Variants in TSC22D1 observed in about 807,000 individuals in gnomAD.
TSC22D1 encodes the protein TSC22 domain family member 1.
In TSC22D1, 9 loss-of-function variants were observed where a neutral mutation model predicts 74.2. The ratio of observed to expected loss-of-function variants is 0.12; its 90% CI spans 0.07 to 0.21. The LOEUF is 0.21. Among genes scored for constraint, TSC22D1 ranks in the 10% least tolerant of loss-of-function variants. TSC22D1 has a pLI of 1.00. For missense variants in TSC22D1, 1,427 were observed against 1,304.7 expected, an observed-to-expected ratio of 1.09 and a Z score of -1.44; for synonymous variants, 586 against 492.5, an observed-to-expected ratio of 1.19 and a Z score of -2.51.
chr13:44,438,035 T>A (rs1472033336), intron 1 of TSC22D1, among the ~76,000 whole-genome samples: 4 of 152,216 alleles, frequency 2.6e-5, no homozygotes, highest in African/African-American at 9.7e-5. Flanking sequence ...TAATTTAAAA[T>A]ACTTGCAGGG....
chr13:44,546,728 A>ACAAACATTAAGGAAAGC (rs1175282195), intron 1 of TSC22D1, among the ~76,000 whole-genome samples: 73 of 136,788 alleles, frequency 5.3e-4, no homozygotes, highest in African/African-American at 1.8e-3. Context: ...TGACAGGTAT[A>ACAAACATTAAGGAAAGC]TGGGAATTCT....
At chr13:44,472,660 C>T (rs1482329553) in intron 1 of TSC22D1, among the ~76,000 whole-genome samples, 4 of 152,086 alleles carry the variant, frequency 2.6e-5, no homozygotes, top group South Asian at 2.1e-4. Context: ...TACAATTAAC[C>T]GGTTGTGGTG....
intron 1 of TSC22D1, among the ~76,000 whole-genome samples, chr13:44,547,572 TCTC>T (rs200376270): frequency 0.016 from 2,446 of 152,242 alleles, 59 homozygotes; most frequent in African/African-American, 0.055. Context: ...CTGAAGACCT[TCTC>T]CTCATTTGTT....
intron 1 of TSC22D1, among the ~76,000 whole-genome samples, chr13:44,530,115 C>T (rs541892320): frequency 1.3e-5 from 2 of 151,996 alleles, no homozygotes; most frequent in African/African-American, 2.4e-5. Flanking sequence ...CAACACGATA[C>T]CGAAGAACCA....
chr13:44,497,560 AAACAAG>A (rs1377445765), intron 1 of TSC22D1, among the ~76,000 whole-genome samples: 2 of 152,138 alleles, frequency 1.3e-5, no homozygotes, highest in African/African-American at 4.8e-5. Flanking sequence ...TTTAAAAAGG[AAACAAG>A]AACAACAACA....
intron 1 of TSC22D1, among the ~76,000 whole-genome samples, chr13:44,520,689 G>C (rs1880272852): frequency 6.6e-6 from 1 of 152,148 alleles, no homozygotes; most frequent in Non-Finnish European, 1.5e-5. Context: ...AGGTGAAGCT[G>C]AAGGAAGGGG....
intron 1 of TSC22D1, among the ~76,000 whole-genome samples, chr13:44,548,505 T>C (rs1881980186): frequency 6.6e-6 from 1 of 152,220 alleles, no homozygotes; most frequent in South Asian, 2.1e-4. Flanking sequence ...TAAACATACA[T>C]CAATTGACAG....
chr13:44,545,317 A>G (rs1881749290), intron 1 of TSC22D1, among the ~76,000 whole-genome samples: 1 of 152,176 alleles, frequency 6.6e-6, no homozygotes, highest in Admixed American at 6.5e-5. Context: ...CCTGGGCAAC[A>G]AGCGAGATTC....
chr13:44,538,620 T>C lies in TSC22D1; in HGVS notation c.2912+34543A>G, dbSNP rs547725012. On this transcript the variant is annotated intron_variant, in intron 1 of 2. Coordinates refer to ENST00000458659, the MANE Select transcript of TSC22D1 (RefSeq NM_183422.4). ...AGAAAGAAATATTTTCATGGCCATG[T>C]AAAATTCCAATCTGAAAAGATTATT... The C allele has an allele frequency of 4.9e-5, 48 of 985,392 alleles. No individual in the cohort carries two copies. The South Asian group carries it at 1.9e-3, about 40-fold the overall frequency. The allele number at this position is 985,392 out of a possible 1,614,324, so 61.0% of individuals were successfully genotyped here. A position where few individuals can be genotyped will look rare whatever the true frequency, so the allele number is the denominator to read the frequency against.
At position 44,575,348 on chromosome 13, in the gene TSC22D1, C is replaced by T. The variant is rs148953087; in HGVS notation, c.727G>A (p.Ala243Thr). 28 of 1,614,148 alleles carry T rather than the reference C, an allele frequency of 1.7e-5. No individual in the cohort carries two copies. The African/African-American group carries it at 3.3e-4, about 19-fold the overall frequency. ...CCAGTAATGGATGCACTGGCCACAG[C>T]AACATGAGATGGATGGTGGTGACCA... ...QHGHHHPSHV[A>T]VASASITGGP... The change falls in exon 1 of 3, where the codon GCT becomes ACT. Residue 243 changes from alanine to threonine, a missense_variant. By Grantham distance (58) the Ala-to-Thr change is moderately conservative. Around this residue, in one of 3 missense-constraint regions of TSC22D1, gnomAD observed 1,343 missense variants for 1,191.5 expected, o/e 1.13. Coordinates refer to ENST00000458659, the MANE Select transcript of TSC22D1 (RefSeq NM_183422.4).
In TSC22D1 at chr13:44,573,184, A is replaced by G. The variant is rs1166820411; in HGVS notation, c.2891T>C (p.Leu964Pro). Residue 964 changes from leucine (L) to proline (P), a missense_variant, in exon 1 of 3, where the codon CTG (leucine) becomes CCG (proline). Leu to Pro is a moderately conservative substitution (Grantham distance 98, BLOSUM62 -3). Coordinates refer to ENST00000458659, the MANE Select transcript of TSC22D1 (RefSeq NM_183422.4). ...PLKVLPLTTP[L>P]VDGEDESSSG... The stretch of plus-strand genomic sequence containing the variant: ...TTACCTCTCATCCTCGCCATCCACC[A>G]GGGGTGTCGTCAGCGGTAGCACCTT... 17 of 1,614,032 alleles carry G rather than the reference A, an allele frequency of 1.1e-5. No individual in the cohort carries two copies. The highest frequency in any genetic ancestry group is 1.4e-5 in the Non-Finnish European group (17 of 1,180,000).
At chr13:44,466,608 A>C (rs967756828) in intron 1 of TSC22D1, among the ~76,000 whole-genome samples, 2 of 151,758 alleles carry the variant, frequency 1.3e-5, no homozygotes, top group African/African-American at 4.8e-5. Flanking sequence ...GTCTCTACTA[A>C]AAATACAAAA....
rs976281850 is a variant in TSC22D1 at position 44,544,092 on chromosome 13, CAAAAAAT to C, written c.2912+29064_2912+29070del. ...TGGGTGACACAGCAAGACTCCGTCT[CAAAAAAT>C]AAAAAATAAAAAATAAACTTTCATG... On this transcript the variant is annotated intron_variant, in intron 1 of 2. Coordinates refer to ENST00000458659, the MANE Select transcript of TSC22D1 (RefSeq NM_183422.4). 3.0e-4 allele frequency among the ~76,000 whole-genome samples: 45 copies of C among 151,904 alleles called. 1 individual carries two copies. The highest frequency in any genetic ancestry group is 9.4e-4 in the African/African-American group (39 of 41,428).
chr13:44,462,934 A>G (rs1353808843), intron 1 of TSC22D1, among the ~76,000 whole-genome samples: 3 of 152,210 alleles, frequency 2.0e-5, no homozygotes, highest in Admixed American at 6.5e-5. Context: ...CAGCTAACAT[A>G]TAATTACAAA....
chr13:44,449,597 G>C lies in TSC22D1; in HGVS notation c.2913-13502C>G, dbSNP rs561727016. On this transcript the variant is annotated intron_variant, in intron 1 of 2. Transcript: ENST00000458659. The stretch of plus-strand genomic sequence containing the variant: ...TTTTACTCTAGGTGGTCATCAGCTT[G>C]GATCTCCTTCCATATCATCTTAGTG... Among the ~76,000 whole-genome samples, 8 of 152,254 alleles carry C rather than the reference G, an allele frequency of 5.3e-5. No homozygotes were observed. The South Asian group carries it at 1.5e-3, about 28-fold the overall frequency.
rs944850313 is a variant in TSC22D1 at position 44,432,658 on chromosome 13, A to G, written c.*1968T>C. 1 of 152,156 alleles carries G rather than the reference A, an allele frequency of 6.6e-6. No individual in the cohort carries two copies. Among genetic ancestry groups the G allele is most frequent in the Admixed American group, 6.5e-5 (1 of 15,280 alleles). 9.4% of individuals were successfully genotyped at this position (152,156 alleles called of 1,614,324 possible). A position where few individuals can be genotyped will look rare whatever the true frequency, so the allele number is the denominator to read the frequency against. On this transcript the variant is annotated 3_prime_UTR_variant, in exon 3 of 3. Coordinates refer to ENST00000458659, the MANE Select transcript of TSC22D1 (RefSeq NM_183422.4). ...CCCATTCACCTCTCAATCTCCCACC[A>G]GCTCTAGATGAGAGAAATGAATGAT...
At chr13:44,443,826 G>A (rs959165628) in intron 1 of TSC22D1, among the ~76,000 whole-genome samples, 1 of 152,166 alleles carries the variant, frequency 6.6e-6, no homozygotes, top group Non-Finnish European at 1.5e-5. Context: ...ACTATGATAA[G>A]TTAAAGATGT....
At chr13:44,554,618 C>T (rs1352754308) in intron 1 of TSC22D1, among the ~76,000 whole-genome samples, 8 of 84,888 alleles carry the variant, frequency 9.4e-5, no homozygotes, top group African/African-American at 3.5e-4. Flanking sequence ...TAAATCATCC[C>T]AATACCAGGA....
rs928445345 is a variant in TSC22D1, at chr13:44,460,004, T to C, written c.2913-23909A>G. Among the ~76,000 whole-genome samples the C allele has an allele frequency of 2.6e-5, 4 of 152,178 alleles. No individual in the cohort carries two copies. The South Asian group carries it at 8.3e-4, about 31-fold the overall frequency. ...CAGCCAGGCCAAGTGGGTGGAATTA[T>C]TAGCTCAGAGGGCCTGAGAAAACTC... is the stretch of plus-strand genomic sequence containing the variant. On this transcript the variant is annotated intron_variant, in intron 1 of 2. Transcript: ENST00000458659.
Sources: gnomAD v4.1 joint callset for allele counts (sites outside exome capture counted in the v4.1 genomes callset) on GRCh38, gnomAD v4.1.1 for gene constraint, gnomAD v4.1.1 regional missense constraint, MANE v1.5 for transcripts, NCBI Gene and HGNC (gene_info 2026-07-23, HGNC 2026-07-21) for gene names.